The following PDXDC1 variants were observed in gnomAD, a reference collection of about 807,000 sequenced individuals.
PDXDC1 encodes pyridoxal dependent decarboxylase domain containing 1.
A neutral mutation model predicts 100.1 loss-of-function variants in PDXDC1; 42 were observed. The ratio of observed to expected loss-of-function variants is 0.42; its 90% CI spans 0.33 to 0.54. The LOEUF is 0.54. Among genes scored for constraint, PDXDC1 ranks in the 20% least tolerant of loss-of-function variants. The pLI, the probability that PDXDC1 is intolerant of heterozygous loss-of-function variation, is 0.10. For missense variants in PDXDC1, 636 were observed against 979.2 expected (o/e 0.65, Z 4.68); for synonymous variants, 260 against 371.7 (o/e 0.70, Z 3.46).
intron 16 of PDXDC1, among the ~76,000 whole-genome samples, chr16:15,043,630 TTTTC>T (rs969520803): frequency 1.1e-4 from 16 of 152,108 alleles, no homozygotes; most frequent in Middle Eastern, 3.2e-3. Context: ...CACGACAATG[TTTTC>T]TTTCTTTCTT....
chr16:15,070,270 A>T, intron 16 of PDXDC1: 1 of 1,611,618 alleles, frequency 6.2e-7, no homozygotes, highest in South Asian at 1.1e-5. Context: ...GAAAAGAAAA[A>T]TTCAAGTCAA....
intron 16 of PDXDC1, among the ~76,000 whole-genome samples, chr16:15,073,683 A>G (rs61322497): frequency 0.018 from 2,730 of 152,336 alleles, 39 homozygotes; most frequent in Middle Eastern, 0.037. Context: ...CTGTTAGTAA[A>G]CAGCTGAATA....
chr16:14,990,576 ATAC>A (rs1262187000), intron 1 of PDXDC1, among the ~76,000 whole-genome samples: 1 of 152,284 alleles, frequency 6.6e-6, no homozygotes, highest in African/African-American at 2.4e-5. Flanking sequence ...AAACTGGATA[ATAC>A]TTTATATTTT....
chr16:15,000,774 A>G (rs1671692909), intron 3 of PDXDC1, among the ~76,000 whole-genome samples: 2 of 151,966 alleles, frequency 1.3e-5, no homozygotes, highest in Non-Finnish European at 2.9e-5. Flanking sequence ...TGAAGCTTGC[A>G]TTGTTAGAGG....
chr16:15,021,423 T>C (rs1228267425), intron 12 of PDXDC1, among the ~76,000 whole-genome samples: 1 of 152,292 alleles, frequency 6.6e-6, no homozygotes, highest in African/African-American at 2.4e-5. Context: ...CTCATTATGT[T>C]TACAAAAGCA....
intron 1 of PDXDC1, among the ~76,000 whole-genome samples, chr16:14,978,480 C>G (rs1250328497): frequency 6.6e-6 from 1 of 152,304 alleles, no homozygotes; most frequent in African/African-American, 2.4e-5. Context: ...ACGTCCGTCT[C>G]CAGGGCTCAA....
chr16:15,141,920 G>GGCA (rs1567329745), downstream of PDXDC1, among the ~76,000 whole-genome samples: 1 of 152,170 alleles, frequency 6.6e-6, no homozygotes, highest in East Asian at 1.9e-4. Flanking sequence ...CGGCTGCGGC[G>GGCA]GCAGCAGAAC....
At chr16:15,061,825 G>GC in intron 16 of PDXDC1, 1 of 1,614,184 alleles carries the variant, frequency 6.2e-7, no homozygotes, top group Non-Finnish European at 8.5e-7. Flanking sequence ...TGTCAAAGGA[G>GC]CTTGGTGTGA....
chr16:15,058,830 T>G (rs2044616453), intron 16 of PDXDC1, among the ~76,000 whole-genome samples: 1 of 152,208 alleles, frequency 6.6e-6, no homozygotes, highest in South Asian at 2.1e-4. Flanking sequence ...GATGGGGGTC[T>G]CACTATGTTG....
intron 6 of PDXDC1, among the ~76,000 whole-genome samples, chr16:15,007,798 A>T (rs1319743425): frequency 6.6e-6 from 1 of 152,292 alleles, no homozygotes; most frequent in African/African-American, 2.4e-5. Context: ...GCTCTTGCAG[A>T]CACAAGGCTG....
intron 1 of PDXDC1, among the ~76,000 whole-genome samples, chr16:14,995,048 G>C (rs933953283): frequency 1.3e-5 from 2 of 151,268 alleles, no homozygotes; most frequent in African/African-American, 4.8e-5. Flanking sequence ...GGGCTGAGAC[G>C]ATGGGGTTTT....
intron 1 of PDXDC1, among the ~76,000 whole-genome samples, chr16:14,978,545 A>G (rs1199143940): frequency 3.3e-5 from 5 of 152,260 alleles, no homozygotes; most frequent in African/African-American, 1.2e-4. Flanking sequence ...ACTCACCCCC[A>G]CACTGAGCTA....
intron 21 of PDXDC1, 83 bp from the exon 22 acceptor site, chr16:15,035,366 G>A (rs1017695234): frequency 1.0e-5 from 7 of 674,518 alleles, no homozygotes; most frequent in African/African-American, 3.8e-5. Context: ...GGTTATTGGG[G>A]AGCAAGGCTG....
intron 19 of PDXDC1, 188 bp from the exon 20 acceptor site, chr16:15,034,098 T>C: frequency 1.7e-6 from 1 of 596,804 alleles, no homozygotes. Flanking sequence ...CACCAAGGTG[T>C]GTCTGCCTAG....
rs753154831 is a variant in PDXDC1, at chr16:15,034,488, C to T, written c.1937C>T (p.Ser646Phe). 5.6e-6 allele frequency: 9 copies of T among 1,614,024 alleles called. No individual in the cohort carries two copies. In the Admixed American group the frequency reaches 6.7e-5, roughly 12 times the overall value. The change falls in exon 21 of 23, where the codon TCC (serine) becomes TTC (phenylalanine). Residue 646 changes from serine to phenylalanine, a missense_variant. Ser to Phe is a radical substitution (Grantham distance 155). Coordinates refer to ENST00000396410, the MANE Select transcript of PDXDC1 (RefSeq NM_015027.4). Reference protein sequence around the residue: ...GVLRQIPVVGSVLNWFSPVQA... With the variant: ...GVLRQIPVVGFVLNWFSPVQA... ...TTGCGGCAGATCCCTGTAGTGGGCTCCGTGCTGAATTGGTTTTCTCCGGTC... is the reference window on the plus strand; with the variant it reads ...TTGCGGCAGATCCCTGTAGTGGGCTTCGTGCTGAATTGGTTTTCTCCGGTC...
At chr16:15,011,631 C>CTTTTTTTTTTTTTTTTTTT in intron 8 of PDXDC1, among the ~76,000 whole-genome samples, 10 of 131,266 alleles carry the variant, frequency 7.6e-5, no homozygotes, top group Non-Finnish European at 1.6e-4. Flanking sequence ...ACATTTTTTT[C>CTTTTTTTTTTTTTTTTTTT]TTTTTTTTTT....
chr16:15,008,238 G>A (rs1447967832), intron 6 of PDXDC1, among the ~76,000 whole-genome samples: 1 of 152,410 alleles, frequency 6.6e-6, no homozygotes, highest in Non-Finnish European at 1.5e-5. Context: ...ACTCCTCAAG[G>A]ACTTGGAGGC....
intron 1 of PDXDC1, among the ~76,000 whole-genome samples, chr16:14,990,886 A>G (rs1220878207): frequency 6.6e-6 from 1 of 152,274 alleles, no homozygotes; most frequent in East Asian, 1.9e-4. Context: ...GACTACAGGC[A>G]TACGTGACCA....
At chr16:15,005,100 T>G (rs1254411419) in intron 5 of PDXDC1, among the ~76,000 whole-genome samples, 3 of 152,270 alleles carry the variant, frequency 2.0e-5, no homozygotes, top group Admixed American at 1.3e-4. Flanking sequence ...GGCTCACGCC[T>G]GTAATCCCAG....
Sources: allele counts gnomAD v4.1 joint callset (sites outside exome capture counted in the v4.1 genomes callset), GRCh38; gene constraint gnomAD v4.1.1; transcripts MANE v1.5; gene names NCBI Gene and HGNC (gene_info 2026-07-23, HGNC 2026-07-21).